DROSHA: variants seen among roughly 807,000 people sequenced by gnomAD.
DROSHA encodes ribonuclease 3.
In DROSHA, 56 loss-of-function variants were observed where a neutral mutation model predicts 181.9. The observed-to-expected ratio is 0.31, with a 90% confidence interval of 0.25 to 0.38. The LOEUF is 0.38. DROSHA is among the 10% of genes least tolerant of loss of function. DROSHA has a pLI of 1.00. For synonymous variants in DROSHA, 524 were observed against 591.2 expected, an observed-to-expected ratio of 0.89 and a Z score of 1.65; for missense variants, 1,218 against 1,743.5, an observed-to-expected ratio of 0.70 and a Z score of 5.37.
In DROSHA at chr5:31,436,075, T is replaced by G. The variant is rs144301842; in HGVS notation, c.2943-211A>C. 4.2e-3 allele frequency among the ~76,000 whole-genome samples: 634 copies of G among 152,308 alleles called. 9 individuals carry two copies. The highest frequency in any genetic ancestry group is 0.015 in the African/African-American group (608 of 41,560). On this transcript the variant is annotated intron_variant, in intron 24 of 35. Coordinates refer to ENST00000344624, the MANE Select transcript of DROSHA (RefSeq NM_001382508.1). The stretch of plus-strand genomic sequence containing the variant: ...ACCCAGACAGCACCATTCACTTGTA[T>G]TTTCACATTTATTTCTGTTAAAAGA...
In DROSHA at chr5:31,420,795, G is replaced by A. The variant is rs116801698; in HGVS notation, c.3525+477C>T. Among the ~76,000 whole-genome samples the A allele has an allele frequency of 2.3e-3, 343 of 152,184 alleles. 1 individual carries two copies. The highest frequency in any genetic ancestry group is 7.6e-3 in the African/African-American group (317 of 41,516). ...GAACTCCACAGATAGAAGAAACCTC[G>A]TATTTTCCTAAACTGCACAAGTACA... On this transcript the variant is annotated intron_variant, in intron 30 of 35. Coordinates refer to ENST00000344624, the MANE Select transcript of DROSHA (RefSeq NM_001382508.1).
intron 17 of DROSHA, among the ~76,000 whole-genome samples, chr5:31,469,281 C>T (rs532646471): frequency 6.6e-6 from 1 of 151,928 alleles, no homozygotes; most frequent in Non-Finnish European, 1.5e-5. Flanking sequence ...CACTTGAACC[C>T]GGGAGGCGGA....
chr5:31,486,048 G>A (rs1404314777), intron 14 of DROSHA, among the ~76,000 whole-genome samples: 8 of 152,116 alleles, frequency 5.3e-5, no homozygotes, highest in Non-Finnish European at 7.3e-5. Flanking sequence ...TTGAGCACTC[G>A]CAATGAAAAA....
Position 31,511,077 on chromosome 5 carries a change from G to A in DROSHA, c.1390C>T (p.Pro464Ser). Residue 464 changes from proline (P) to serine (S), a missense_variant, in exon 9 of 36, where the codon CCT (proline) becomes TCT (serine). Physicochemically the swap from Pro to Ser is moderately conservative, Grantham distance 74. Around this residue, in one of 8 missense-constraint regions of DROSHA, gnomAD observed 460 missense variants for 774.2 expected, o/e 0.59. Transcript: ENST00000344624. ...TTCGTCTTTGGAGGTTCCCACGGAG[G>A]CCGAGCAGCTTTGGCCTTTTCTTGC... ...SRQEKAKAARPPWEPPKTKLD... is the reference protein window; with the variant it reads ...SRQEKAKAARSPWEPPKTKLD... 1 of 1,613,898 alleles carries A rather than the reference G, an allele frequency of 6.2e-7. No homozygotes were observed.
intron 27 of DROSHA, 31 bp downstream of exon 27, chr5:31,429,443 AC>A: frequency 1.9e-6 from 3 of 1,581,694 alleles, no homozygotes; most frequent in Non-Finnish European, 2.6e-6. Flanking sequence ...ATAATATATA[AC>A]AAAAAAAATC....
intron 10 of DROSHA, among the ~76,000 whole-genome samples, chr5:31,507,441 A>T (rs1378992866): frequency 6.8e-6 from 1 of 146,186 alleles, no homozygotes; most frequent in Non-Finnish European, 1.5e-5. Context: ...CTAGGCAATA[A>T]GAGCGAAACT....
intron 26 of DROSHA, among the ~76,000 whole-genome samples, chr5:31,430,653 C>T (rs963461286): frequency 4.6e-5 from 7 of 152,110 alleles, no homozygotes; most frequent in Admixed American, 4.6e-4. Context: ...AATGGTAACA[C>T]CAACTGTCAA....
In DROSHA at chr5:31,415,663, G is replaced by A. The variant is rs375766817; in HGVS notation, c.3526-4776C>T. Among the ~76,000 whole-genome samples, 17 of 152,258 alleles carry A rather than the reference G, an allele frequency of 1.1e-4. No individual in the cohort carries two copies. In the East Asian group the frequency reaches 3.1e-3, roughly 28 times the overall value. On this transcript the variant is annotated intron_variant, in intron 30 of 35. Coordinates refer to ENST00000344624, the MANE Select transcript of DROSHA (RefSeq NM_001382508.1). ...AAACAAAAACTGTAGGTTCATCACC[G>A]CTATAGTGCATGCCACCATTGGGTA...
intron 6 of DROSHA, among the ~76,000 whole-genome samples, chr5:31,520,146 G>A (rs1739725460): frequency 6.6e-6 from 1 of 151,996 alleles, no homozygotes; most frequent in African/African-American, 2.4e-5. Context: ...ACCTATTAAA[G>A]TTTTCTGCTT....
chr5:31,523,961 G>C (rs1220320595), intron 5 of DROSHA, among the ~76,000 whole-genome samples: 1 of 68,142 alleles, frequency 1.5e-5, no homozygotes, highest in Admixed American at 2.0e-4. Context: ...GGGAACAAAA[G>C]CAAAACTTTG....
intron 18 of DROSHA, 198 bp from the exon 19 acceptor site, chr5:31,466,479 T>C: frequency 3.9e-6 from 2 of 510,864 alleles, no homozygotes; most frequent in Non-Finnish European, 7.1e-6. Flanking sequence ...AACTGGAACC[T>C]GGTGATTAAG....
At chr5:31,488,949 G>A (rs1285755902) in intron 13 of DROSHA, 1 of 152,236 alleles carries the variant, frequency 6.6e-6, no homozygotes, top group Non-Finnish European at 1.5e-5. Context: ...GACCAACTAG[G>A]TCACTTAATT....
At chr5:31,483,220 G>A (rs62348721) in intron 16 of DROSHA, among the ~76,000 whole-genome samples, 72,438 of 151,850 alleles carry the variant, frequency 0.48, 21,073 homozygotes, top group Non-Finnish European at 0.65. Flanking sequence ...TAATCATATT[G>A]CATTTAAATT....
Position 31,409,423 on chromosome 5 carries a change from T to G in DROSHA, c.3668-91A>C, listed in dbSNP as rs753672827. On this transcript the variant is annotated intron_variant, in intron 31 of 35. Coordinates refer to ENST00000344624, the MANE Select transcript of DROSHA (RefSeq NM_001382508.1). The surrounding 1 kb of genome is among the most constrained non-coding windows in gnomAD (Gnocchi z 4.0). ...CCTAGACCTTTAAGCAAAATTTTAG[T>G]AATAGTTTCAACTTCCAGGCCCTCT... 1.7e-5 allele frequency: 21 copies of G among 1,201,974 alleles called. No homozygotes were observed. Among genetic ancestry groups the G allele is most frequent in the Non-Finnish European group, 2.3e-5 (20 of 859,066 alleles). The allele number at this position is 1,201,974 out of a possible 1,614,324, so 74.5% of individuals were successfully genotyped here.
At chr5:31,407,842 C>A (rs1308674991) in intron 33 of DROSHA, among the ~76,000 whole-genome samples, 1 of 152,166 alleles carries the variant, frequency 6.6e-6, no homozygotes, top group Non-Finnish European at 1.5e-5. Context: ...TTAGCATCCT[C>A]ATTTTATTTA....
At chr5:31,428,726 G>A (rs1393887700) in intron 27 of DROSHA, among the ~76,000 whole-genome samples, 1 of 152,240 alleles carries the variant, frequency 6.6e-6, no homozygotes, top group Non-Finnish European at 1.5e-5. Flanking sequence ...CTTAAAACTG[G>A]CTTCCCGTGT....
intron 20 of DROSHA, among the ~76,000 whole-genome samples, chr5:31,455,957 T>C (rs189902624): frequency 2.0e-5 from 3 of 152,308 alleles, no homozygotes; most frequent in Admixed American, 1.3e-4. Flanking sequence ...GTTATACTTT[T>C]GACAGCAATG....
At chr5:31,488,517 A>T (rs1476900148) in intron 13 of DROSHA, among the ~76,000 whole-genome samples, 2 of 151,484 alleles carry the variant, frequency 1.3e-5, no homozygotes, top group Non-Finnish European at 2.9e-5. Context: ...GAGGAAAGGG[A>T]GCTGAGGAAA....
At chr5:31,483,731 C>T in intron 15 of DROSHA, 103 bp from the exon 16 acceptor site, 2 of 1,143,826 alleles carry the variant, frequency 1.7e-6, no homozygotes, top group Non-Finnish European at 2.5e-6. Flanking sequence ...ACAAAAACTA[C>T]CACCAGAAGT....
Sources: gnomAD v4.1 joint callset for allele counts (sites outside exome capture counted in the v4.1 genomes callset) on GRCh38, gnomAD v4.1.1 for gene constraint, gnomAD v4.1.1 regional missense constraint, Gnocchi (gnomAD v3.1) non-coding constraint, MANE v1.5 for transcripts, NCBI Gene and HGNC (gene_info 2026-07-23, HGNC 2026-07-21) for gene names.